The following CAMK2G variants were observed in gnomAD, a reference collection of about 807,000 sequenced individuals.
CAMK2G encodes the protein calcium/calmodulin dependent protein kinase II gamma.
Under a neutral mutation model 88.7 loss-of-function variants are expected in CAMK2G, and 23 were observed. That is an observed-to-expected ratio of 0.26 (90% CI 0.19 to 0.37). The LOEUF is 0.37. Among genes scored for constraint, CAMK2G ranks in the 10% least tolerant of loss-of-function variants. CAMK2G has a pLI of 1.00. For missense variants in CAMK2G, 476 were observed against 780.8 expected (o/e 0.61, Z 4.65); for synonymous variants, 263 against 294.8 (o/e 0.89, Z 1.11).
chr10:73,823,269 G>A (rs1343435794), intron 17 of CAMK2G, among the ~76,000 whole-genome samples: 2 of 151,946 alleles, frequency 1.3e-5, no homozygotes, highest in Non-Finnish European at 2.9e-5. Flanking sequence ...AAGCTGGAGT[G>A]CAGTGGCGTG....
At chr10:73,824,447 C>T (rs907536524) in intron 16 of CAMK2G, among the ~76,000 whole-genome samples, 5 of 152,174 alleles carry the variant, frequency 3.3e-5, no homozygotes, top group Non-Finnish European at 5.9e-5. Context: ...GGGCACAGGC[C>T]GGGCCCCGCC....
At chr10:73,845,904 C>CTTT (rs775000753) in intron 10 of CAMK2G, among the ~76,000 whole-genome samples, 1 of 135,880 alleles carries the variant, frequency 7.4e-6, no homozygotes, top group Non-Finnish European at 1.6e-5. Context: ...CAATTCCCTT[C>CTTT]TTTTTTTTTT....
chr10:73,827,940 G>A (rs764338298), intron 15 of CAMK2G, 149 bp downstream of exon 15: 39 of 746,276 alleles, frequency 5.2e-5, no homozygotes, highest in Admixed American at 3.2e-4. Context: ...AATGGCCCCC[G>A]CCTGGCAGGA....
intron 5 of CAMK2G, among the ~76,000 whole-genome samples, chr10:73,851,048 G>A (rs145399488): frequency 4.4e-4 from 67 of 151,966 alleles, no homozygotes; most frequent in African/African-American, 9.4e-4. Context: ...TGCCTCCTCC[G>A]TCCCAGAGCC....
At position 73,842,882 on chromosome 10, in the gene CAMK2G, T is replaced by A. The variant is rs2093917726; in HGVS notation, c.820-341A>T. On this transcript the variant is annotated intron_variant, in intron 10 of 22. Transcript: ENST00000423381. The surrounding 1 kb of genome is among the most constrained non-coding windows in gnomAD (Gnocchi z 4.6). Reference sequence around the variant, plus strand: ...TTCAGTCACTCCTTAGGCAGCTGTTTACTGAGCACCTACTGCGTTCCAGAT... The same window carrying A: ...TTCAGTCACTCCTTAGGCAGCTGTTAACTGAGCACCTACTGCGTTCCAGAT... 6.6e-6 allele frequency among the ~76,000 whole-genome samples: 1 copy of A among 152,102 alleles called. No homozygotes were observed.
chr10:73,857,945 C>T (rs2095161809), intron 3 of CAMK2G, among the ~76,000 whole-genome samples: 1 of 152,178 alleles, frequency 6.6e-6, no homozygotes, highest in Non-Finnish European at 1.5e-5. Flanking sequence ...CAGGGTGTTC[C>T]CAAATACCCG....
chr10:73,826,215 C>T (rs202154224), intron 15 of CAMK2G, among the ~76,000 whole-genome samples: 1 of 152,042 alleles, frequency 6.6e-6, no homozygotes, highest in African/African-American at 2.4e-5. Flanking sequence ...GGTGGATCAC[C>T]TGAGGTCAGG....
At chr10:73,831,335 C>T (rs986295325) in intron 14 of CAMK2G, among the ~76,000 whole-genome samples, 8 of 151,514 alleles carry the variant, frequency 5.3e-5, no homozygotes, top group African/African-American at 1.2e-4. Context: ...GTCAGGAGAT[C>T]GAGACCAGCC....
intron 19 of CAMK2G, chr10:73,817,808 C>G: frequency 1.9e-6 from 1 of 533,900 alleles, no homozygotes; most frequent in East Asian, 2.9e-5. Flanking sequence ...GCCTCCCTTT[C>G]CATCAACAAC....
intron 2 of CAMK2G, among the ~76,000 whole-genome samples, chr10:73,867,972 G>A (rs961426395): frequency 1.3e-5 from 2 of 152,150 alleles, no homozygotes; most frequent in Non-Finnish European, 2.9e-5. Context: ...GCGGTCCTGC[G>A]GCAGATCTGT....
At chr10:73,850,462 A>G (rs1162355531) in intron 5 of CAMK2G, among the ~76,000 whole-genome samples, 1 of 152,006 alleles carries the variant, frequency 6.6e-6, no homozygotes, top group Non-Finnish European at 1.5e-5. Context: ...ATGCCTAGAG[A>G]AATTTCTGGT....
intron 16 of CAMK2G, 152 bp downstream of exon 16, chr10:73,825,127 G>T: frequency 1.5e-6 from 1 of 671,238 alleles, no homozygotes. Context: ...TGAAGGGGAA[G>T]GGGCATACAG....
Position 73,839,627 on chromosome 10 carries a change from A to C in CAMK2G, c.947-26T>G, listed in dbSNP as rs1038820567. ...CTGAGGGGATACAGTCTCTCAGTGC[A>C]CAGAGCCCCGCAAAGCCACGGGGCC... On this transcript the variant is annotated intron_variant, in intron 12 of 22. Coordinates refer to ENST00000423381, the MANE Select transcript of CAMK2G (RefSeq NM_001367534.1). This position sits in a 1 kb window ranked among gnomAD's most constrained non-coding sequence, Gnocchi z 4.2. 3 of 1,217,488 alleles carry C rather than the reference A, an allele frequency of 2.5e-6. No individual in the cohort carries two copies. In the African/African-American group the frequency reaches 4.7e-5, roughly 19 times the overall value. 75.4% of individuals were successfully genotyped at this position (1,217,488 alleles called of 1,614,324 possible). A position where few individuals can be genotyped will look rare whatever the true frequency, so the allele number is the denominator to read the frequency against.
At chr10:73,860,520 G>A (rs931711818) in intron 3 of CAMK2G, among the ~76,000 whole-genome samples, 3 of 152,270 alleles carry the variant, frequency 2.0e-5, no homozygotes, top group African/African-American at 2.4e-5. Context: ...CTAGGAGCCC[G>A]GAACCTCACA....
intron 16 of CAMK2G, 103 bp from the exon 17 acceptor site, chr10:73,824,187 G>A: frequency 1.3e-6 from 1 of 791,930 alleles, no homozygotes; most frequent in Non-Finnish European, 2.2e-6. Context: ...ACCCTATGAT[G>A]ACCACTGAGG....
At chr10:73,829,026 C>T (rs974755452) in intron 14 of CAMK2G, among the ~76,000 whole-genome samples, 4 of 152,184 alleles carry the variant, frequency 2.6e-5, no homozygotes, top group South Asian at 2.1e-4. Flanking sequence ...GTCCGTCTGT[C>T]GTTCAACTTT....
intron 14 of CAMK2G, among the ~76,000 whole-genome samples, chr10:73,829,708 T>C (rs1445303633): frequency 6.6e-6 from 1 of 151,080 alleles, no homozygotes; most frequent in Admixed American, 6.6e-5. Flanking sequence ...GGGGTGTGTG[T>C]GTGTGTGTGT....
intron 2 of CAMK2G, among the ~76,000 whole-genome samples, chr10:73,865,477 C>G (rs1342396917): frequency 2.6e-5 from 4 of 152,240 alleles, no homozygotes; most frequent in African/African-American, 9.6e-5. Context: ...CACCACCCAG[C>G]CTCTCCAGCT....
At chr10:73,819,507 C>T in intron 19 of CAMK2G, 25 bp downstream of exon 19, 1 of 1,489,026 alleles carries the variant, frequency 6.7e-7, no homozygotes, top group Middle Eastern at 2.0e-4. Context: ...AGACGGAAGC[C>T]AGAATGTGCC....
Sources: gnomAD v4.1 joint callset for allele counts (sites outside exome capture counted in the v4.1 genomes callset) on GRCh38, gnomAD v4.1.1 for gene constraint, Gnocchi (gnomAD v3.1) non-coding constraint, MANE v1.5 for transcripts, NCBI Gene and HGNC (gene_info 2026-07-23, HGNC 2026-07-21) for gene names.